SETBP1: variants seen among roughly 807,000 people sequenced by gnomAD.
SETBP1 encodes SET-binding protein.
SETBP1 carries 9 observed loss-of-function variants against 101.0 expected under a neutral mutation model. The observed-to-expected ratio is 0.09, with a 90% CI of 0.05 to 0.16. The LOEUF is 0.16. Among genes scored for constraint, SETBP1 ranks in the 10% least tolerant of loss-of-function variants. SETBP1 has a pLI of 1.00. For missense variants in SETBP1, 1,858 were observed against 2,033.8 expected (o/e 0.91, Z 1.66); for synonymous variants, 818 against 788.5 (o/e 1.04, Z -0.63).
intron 2 of SETBP1, among the ~76,000 whole-genome samples, chr18:44,848,481 G>T (rs2072774408): frequency 6.6e-6 from 1 of 152,184 alleles, no homozygotes; most frequent in South Asian, 2.1e-4. Flanking sequence ...TATATGTGTT[G>T]AGAAGAGACA....
intron 4 of SETBP1, among the ~76,000 whole-genome samples, chr18:45,019,758 C>T (rs1364555772): frequency 6.6e-6 from 1 of 152,090 alleles, no homozygotes; most frequent in Non-Finnish European, 1.5e-5. Context: ...GCTAACTAAA[C>T]AGAATTAAGA....
chr18:44,930,367 T>C (rs944143613), intron 3 of SETBP1, among the ~76,000 whole-genome samples: 2 of 152,234 alleles, frequency 1.3e-5, no homozygotes, highest in Admixed American at 6.5e-5. Context: ...TTTGCATCGA[T>C]GTTCATCAGG....
chr18:44,868,911 A>C (rs1251429592), intron 2 of SETBP1, among the ~76,000 whole-genome samples: 6 of 152,182 alleles, frequency 3.9e-5, no homozygotes, highest in Non-Finnish European at 5.9e-5. Context: ...CATACTTACA[A>C]TTTCAGGGAG....
chr18:44,788,849 G>A (rs941189115), intron 2 of SETBP1, among the ~76,000 whole-genome samples: 2 of 128,660 alleles, frequency 1.6e-5, no homozygotes, highest in Non-Finnish European at 3.1e-5. Flanking sequence ...CCAGGCTAGA[G>A]TGAACTGGCG....
intron 2 of SETBP1, among the ~76,000 whole-genome samples, chr18:44,824,485 TAAC>T (rs2072189843): frequency 6.6e-6 from 1 of 152,200 alleles, no homozygotes; most frequent in Non-Finnish European, 1.5e-5. Flanking sequence ...TTCATAATTT[TAAC>T]AATATCACCT....
intron 1 of SETBP1, among the ~76,000 whole-genome samples, chr18:44,688,670 G>T (rs564695199): frequency 6.6e-6 from 1 of 151,908 alleles, no homozygotes; most frequent in Non-Finnish European, 1.5e-5. Flanking sequence ...GCCTGGCTGC[G>T]TCTCGAACTC....
intron 3 of SETBP1, among the ~76,000 whole-genome samples, chr18:44,942,023 T>C (rs779856006): frequency 2.0e-5 from 3 of 152,228 alleles, no homozygotes; most frequent in Admixed American, 6.5e-5. Flanking sequence ...GTGGATGCTA[T>C]ATAAACTGAT....
chr18:44,945,654 C>A (rs562951566), intron 3 of SETBP1, among the ~76,000 whole-genome samples: 5 of 152,166 alleles, frequency 3.3e-5, no homozygotes, highest in Admixed American at 6.5e-5. Context: ...AACTGTGTGC[C>A]CAATATGGAA....
At chr18:45,037,698 A>T (rs185087527) in intron 4 of SETBP1, among the ~76,000 whole-genome samples, 25 of 152,288 alleles carry the variant, frequency 1.6e-4, no homozygotes, top group African/African-American at 6.0e-4. Context: ...CTAGTTCCTT[A>T]CAGGGGCACC....
intron 2 of SETBP1, among the ~76,000 whole-genome samples, chr18:44,813,878 C>A (rs1418278636): frequency 6.6e-6 from 1 of 152,106 alleles, no homozygotes; most frequent in Non-Finnish European, 1.5e-5. Context: ...TTGTTGTTAA[C>A]CCTGGAACCT....
chr18:44,748,924 C>A (rs1484952004), intron 2 of SETBP1, among the ~76,000 whole-genome samples: 1 of 152,164 alleles, frequency 6.6e-6, no homozygotes, highest in Non-Finnish European at 1.5e-5. Context: ...AAAAGTCTCC[C>A]AGGGGCTGCT....
intron 3 of SETBP1, among the ~76,000 whole-genome samples, chr18:44,876,121 T>C (rs1444571695): frequency 1.3e-5 from 2 of 152,246 alleles, no homozygotes. Flanking sequence ...TTCTCATTCC[T>C]GTCCTTCCCC....
In SETBP1 at chr18:44,952,378, T is replaced by G. The variant is rs200985017; in HGVS notation, c.3038T>G (p.Leu1013Trp). Reference sequence around the variant, plus strand: ...CTCTATCTTCGTAGGACTTCAGACTTGAAGTCAAAGAAGAAGCGTGGTAGG... The same window carrying G: ...CTCTATCTTCGTAGGACTTCAGACTGGAAGTCAAAGAAGAAGCGTGGTAGG... Reference protein sequence around the residue: ...PLLYLRRTSDLKSKKKRGRPA... With the variant: ...PLLYLRRTSDWKSKKKRGRPA... Residue 1013 changes from leucine (L) to tryptophan (W), a missense_variant, in exon 4 of 6, where the codon TTG becomes TGG. Leu to Trp is a moderately conservative substitution (Grantham distance 61). Coordinates refer to ENST00000649279, the MANE Select transcript of SETBP1 (RefSeq NM_015559.3). The G allele has an allele frequency of 7.9e-5, 127 of 1,614,120 alleles. No individual in the cohort carries two copies. The highest frequency in any genetic ancestry group is 5.1e-6 in the Non-Finnish European group (6 of 1,180,026).
At chr18:44,808,829 A>G (rs1306456949) in intron 2 of SETBP1, among the ~76,000 whole-genome samples, 1 of 152,156 alleles carries the variant, frequency 6.6e-6, no homozygotes, top group Admixed American at 6.5e-5. Context: ...AAACAAAAAT[A>G]CCATTAACCA....
chr18:44,773,709 G>T (rs1462941564), intron 2 of SETBP1, among the ~76,000 whole-genome samples: 1 of 152,066 alleles, frequency 6.6e-6, no homozygotes, highest in Admixed American at 6.5e-5. Flanking sequence ...ACCACTGGGG[G>T]CCTGCAGAAT....
At chr18:44,975,934 A>G (rs746716477) in intron 4 of SETBP1, among the ~76,000 whole-genome samples, 56 of 152,226 alleles carry the variant, frequency 3.7e-4, no homozygotes, top group Admixed American at 1.4e-3. Flanking sequence ...AGCCTGGACC[A>G]GAATACAGGT....
chr18:44,886,076 C>T (rs1054192133), intron 3 of SETBP1, among the ~76,000 whole-genome samples: 1 of 151,816 alleles, frequency 6.6e-6, no homozygotes, highest in Non-Finnish European at 1.5e-5. Flanking sequence ...GTCTCATGCA[C>T]GGGAAAATTA....
At chr18:44,785,110 A>T (rs1490562765) in intron 2 of SETBP1, among the ~76,000 whole-genome samples, 1 of 152,196 alleles carries the variant, frequency 6.6e-6, no homozygotes, top group Non-Finnish European at 1.5e-5. Flanking sequence ...AGCATTTTCA[A>T]TATTTTTTAT....
At chr18:44,818,757 A>T (rs934675130) in intron 2 of SETBP1, among the ~76,000 whole-genome samples, 9 of 70,018 alleles carry the variant, frequency 1.3e-4, no homozygotes, top group African/African-American at 2.9e-4. Flanking sequence ...ACACACTCAC[A>T]CACACACACA....
Sources: gnomAD v4.1 joint callset for allele counts (sites outside exome capture counted in the v4.1 genomes callset) on GRCh38, gnomAD v4.1.1 for gene constraint, MANE v1.5 for transcripts, NCBI Gene and HGNC (gene_info 2026-07-23, HGNC 2026-07-21) for gene names.